The following SLC9A2 variants were observed in gnomAD, a reference collection of about 807,000 sequenced individuals.
The protein encoded by SLC9A2 is sodium/hydrogen exchanger 2.
A neutral mutation model predicts 71.7 loss-of-function variants in SLC9A2; 42 were observed. That is an observed-to-expected ratio of 0.59 (90% CI 0.46 to 0.76). The LOEUF (loss-of-function observed/expected upper bound fraction) is 0.76, where lower values mean the gene tolerates loss of function less well. SLC9A2 is among the 30% of genes least tolerant of loss of function. The pLI is 0.00. For synonymous variants in SLC9A2, 396 were observed against 392.5 expected, an observed-to-expected ratio of 1.01 and a Z score of -0.10; for missense variants, 829 against 1,017.4, an observed-to-expected ratio of 0.81 and a Z score of 2.52.
intron 1 of SLC9A2, among the ~76,000 whole-genome samples, chr2:102,622,934 C>T (rs149690072): frequency 2.0e-5 from 3 of 152,332 alleles, no homozygotes; most frequent in African/African-American, 4.8e-5. Flanking sequence ...GCTGCCTTCC[C>T]GCACTTACTC....
In SLC9A2 at chr2:102,695,138, T is replaced by C. The variant is rs367728966; in HGVS notation, c.1586+25T>C. On this transcript the variant is annotated intron_variant, in intron 7 of 11. Transcript: ENST00000233969. The stretch of plus-strand genomic sequence containing the variant: ...AGTAAGAAGGTCTTATGCCATTGGG[T>C]TATGAAGTGGCCCAGGGTCATTCTG... The C allele has an allele frequency of 8.3e-6, 13 of 1,557,096 alleles. No individual in the cohort carries two copies. The African/African-American group carries it at 1.6e-4, about 19-fold the overall frequency.
chr2:102,631,210 T>C (rs953493088), intron 1 of SLC9A2, among the ~76,000 whole-genome samples: 2 of 152,112 alleles, frequency 1.3e-5, no homozygotes, highest in Non-Finnish European at 2.9e-5. Flanking sequence ...TTATACTTCA[T>C]GGGCGAATTT....
At position 102,634,694 on chromosome 2, in the gene SLC9A2, G is replaced by A. The variant is rs148173188; in HGVS notation, c.289+14557G>A. 2.0e-3 allele frequency among the ~76,000 whole-genome samples: 306 copies of A among 152,186 alleles called. 1 individual carries two copies. The highest frequency in any genetic ancestry group is 7.2e-3 in the African/African-American group (299 of 41,530). On this transcript the variant is annotated intron_variant, in intron 1 of 11. Coordinates refer to ENST00000233969, the MANE Select transcript of SLC9A2 (RefSeq NM_003048.6). ...CATGTCAGCCTCTGAAATATGTTACGTAAGCTTAAAAAAATCATTTTTTTT... is the reference window on the plus strand; with the variant it reads ...CATGTCAGCCTCTGAAATATGTTACATAAGCTTAAAAAAATCATTTTTTTT...
chr2:102,699,213 TA>T (rs1440063380), intron 7 of SLC9A2, among the ~76,000 whole-genome samples: 1 of 151,974 alleles, frequency 6.6e-6, no homozygotes, highest in African/African-American at 2.4e-5. Flanking sequence ...AAAAGAAGTG[TA>T]AAAAGTGAGC....
intron 1 of SLC9A2, among the ~76,000 whole-genome samples, chr2:102,632,029 TATATATATAC>T (rs1464769044): frequency 6.8e-4 from 49 of 71,922 alleles, no homozygotes; most frequent in African/African-American, 2.3e-3. Context: ...TATATATATA[TATATATATAC>T]ATACACACAC....
intron 11 of SLC9A2, among the ~76,000 whole-genome samples, chr2:102,706,348 G>GAAAAAA (rs397985354): frequency 1.7e-4 from 3 of 17,700 alleles, no homozygotes; most frequent in African/African-American, 2.4e-4. Flanking sequence ...AAAAAAAAAA[G>GAAAAAA]AAAAAAAAAA....
intron 3 of SLC9A2, among the ~76,000 whole-genome samples, chr2:102,677,427 TC>T (rs1368116773): frequency 3.3e-5 from 5 of 152,168 alleles, no homozygotes; most frequent in Non-Finnish European, 7.4e-5. Flanking sequence ...TATAGTGCTC[TC>T]CCTTCTCTGT....
Position 102,683,403 on chromosome 2 carries a change from G to T in SLC9A2, c.1147G>T (p.Val383Leu). 1 of 1,614,184 alleles carries T rather than the reference G, an allele frequency of 6.2e-7. No individual in the cohort carries two copies. The highest frequency in any genetic ancestry group is 1.1e-5 in the South Asian group (1 of 91,084). The change falls in exon 4 of 12, where the codon GTG (valine) becomes TTG (leucine). Residue 383 changes from valine to leucine, a missense_variant. Val to Leu is a conservative substitution (Grantham distance 32). Transcript: ENST00000233969. ...CTTCATCTTCATGGGTGTGTCTACC[G>T]TGGGCAAGAACCACGAGTGGAACTG... ...LIFIFMGVSTVGKNHEWNWAF... is the reference protein window; with the variant it reads ...LIFIFMGVSTLGKNHEWNWAF...
intron 5 of SLC9A2, among the ~76,000 whole-genome samples, chr2:102,685,655 C>T (rs72999590): frequency 0.045 from 6,577 of 147,210 alleles, 255 homozygotes; most frequent in African/African-American, 0.11. Flanking sequence ...CTCATGACTC[C>T]AGGGGTTTTG....
intron 3 of SLC9A2, among the ~76,000 whole-genome samples, chr2:102,674,180 C>G (rs4851021): frequency 0.82 from 124,052 of 152,164 alleles, 50,847 homozygotes; most frequent in East Asian, 0.94. Flanking sequence ...TGACACGCTT[C>G]GACACATGGA....
chr2:102,632,786 C>A (rs1311993075), intron 1 of SLC9A2, among the ~76,000 whole-genome samples: 1 of 152,118 alleles, frequency 6.6e-6, no homozygotes, highest in Non-Finnish European at 1.5e-5. Flanking sequence ...AGAAATTTCA[C>A]CTAAAAATGA....
At chr2:102,694,556 T>G in intron 6 of SLC9A2, 53 bp downstream of exon 6, 1 of 877,770 alleles carries the variant, frequency 1.1e-6, no homozygotes, top group Non-Finnish European at 1.8e-6. Context: ...AATATTTGAA[T>G]CAGTCAAACA....
In SLC9A2 at chr2:102,664,445, G is replaced by GCACACACACA. The variant is rs58155284; in HGVS notation, c.754-632_754-623dup. On this transcript the variant is annotated intron_variant, in intron 2 of 11. Coordinates refer to ENST00000233969, the MANE Select transcript of SLC9A2 (RefSeq NM_003048.6). Reference sequence around the variant, plus strand: ...AAATATGTATGAAGTTTCAGCAGATGCACACACACACACACACACACACAC... The same window carrying GCACACACACA: ...AAATATGTATGAAGTTTCAGCAGATGCACACACACACACACACACACACACACACACACAC... 1.0e-3 allele frequency among the ~76,000 whole-genome samples: 151 copies of GCACACACACA among 147,966 alleles called. 2 individuals are homozygous for GCACACACACA. Among genetic ancestry groups the GCACACACACA allele is most frequent in the Admixed American group, 3.5e-3 (51 of 14,734 alleles).
intron 1 of SLC9A2, among the ~76,000 whole-genome samples, chr2:102,635,394 G>A (rs912473348): frequency 6.6e-6 from 1 of 152,210 alleles, no homozygotes; most frequent in Non-Finnish European, 1.5e-5. Flanking sequence ...GATGAGTATG[G>A]AAGATGCTGA....
At chr2:102,694,006 A>T (rs917940456) in intron 5 of SLC9A2, among the ~76,000 whole-genome samples, 9 of 152,186 alleles carry the variant, frequency 5.9e-5, no homozygotes, top group Admixed American at 5.2e-4. Flanking sequence ...AGGGTGTTTC[A>T]CTATGTTGCC....
intron 1 of SLC9A2, among the ~76,000 whole-genome samples, chr2:102,621,204 T>A (rs1445576093): frequency 6.6e-6 from 1 of 151,742 alleles, no homozygotes; most frequent in Non-Finnish European, 1.5e-5. Flanking sequence ...GGTGTTGTGG[T>A]GCACATATGT....
intron 1 of SLC9A2, among the ~76,000 whole-genome samples, chr2:102,641,678 CT>C (rs1438827089): frequency 1.3e-5 from 2 of 152,072 alleles, no homozygotes; most frequent in Non-Finnish European, 2.9e-5. Flanking sequence ...CGACATCCTT[CT>C]TCCCTGTAAA....
intron 3 of SLC9A2, among the ~76,000 whole-genome samples, chr2:102,668,200 A>T (rs1046493680): frequency 1.3e-5 from 2 of 152,194 alleles, no homozygotes; most frequent in Non-Finnish European, 2.9e-5. Context: ...TACCATGTGC[A>T]CCCATTATTC....
At chr2:102,626,637 C>A (rs915854139) in intron 1 of SLC9A2, among the ~76,000 whole-genome samples, 52 of 152,172 alleles carry the variant, frequency 3.4e-4, no homozygotes, top group African/African-American at 1.3e-3. Flanking sequence ...GAACAGGCAA[C>A]CTACAGAGTG....
Sources: gnomAD v4.1 joint callset for allele counts (sites outside exome capture counted in the v4.1 genomes callset) on GRCh38, gnomAD v4.1.1 for gene constraint, MANE v1.5 for transcripts, NCBI Gene and HGNC (gene_info 2026-07-23, HGNC 2026-07-21) for gene names.